Variants in GNG7 observed in about 807,000 individuals in gnomAD.
GNG7 encodes guanine nucleotide-binding protein G(I)/G(S)/G(O) subunit gamma-7.
Under a neutral mutation model 4.0 loss-of-function variants are expected in GNG7, and 1 was observed. The observed-to-expected ratio is 0.25, with a 90% CI of 0.09 to 1.18. GNG7 has a LOEUF of 1.18. GNG7 is among the 50% of genes most tolerant of loss of function. The pLI, the probability that GNG7 is intolerant of heterozygous loss-of-function variation, is 0.50. For synonymous variants in GNG7, 34 were observed against 36.9 expected, an observed-to-expected ratio of 0.92 and a Z score of 0.29; for missense variants, 86 against 91.9, an observed-to-expected ratio of 0.94 and a Z score of 0.26.
In GNG7 at chr19:2,634,433, G is replaced by C. The variant is rs1183121156; in HGVS notation, c.-78+11791C>G. Among the ~76,000 whole-genome samples, 1 of 152,208 alleles carries C rather than the reference G, an allele frequency of 6.6e-6. No homozygotes were observed. Among genetic ancestry groups the C allele is most frequent in the East Asian group, 1.9e-4 (1 of 5,190 alleles). ...TCACCCAGATGACCCCTGCTATAGA[G>C]GGTCAAGGTCATGTCCAAGCTCTCC... On this transcript the variant is annotated intron_variant, in intron 2 of 4. Transcript: ENST00000382159. The surrounding 1 kb of genome is among the most constrained non-coding windows in gnomAD (Gnocchi z 5.3).
chr19:2,619,257 T>A (rs1981803221), intron 2 of GNG7, among the ~76,000 whole-genome samples: 2 of 152,244 alleles, frequency 1.3e-5, no homozygotes, highest in South Asian at 4.1e-4. Context: ...CTGGACCACA[T>A]CTAGCTGACT....
chr19:2,648,487 C>G (rs1006996165), intron 1 of GNG7, among the ~76,000 whole-genome samples: 1 of 152,082 alleles, frequency 6.6e-6, no homozygotes, highest in African/African-American at 2.4e-5. Context: ...CTCTGGATTT[C>G]TTTGCAACTC....
intron 2 of GNG7, among the ~76,000 whole-genome samples, chr19:2,565,904 T>G (rs1979893128): frequency 6.6e-6 from 1 of 152,182 alleles, no homozygotes; most frequent in South Asian, 2.1e-4. Context: ...ACGCCTGTTA[T>G]CCCAGCACTT....
intron 3 of GNG7, among the ~76,000 whole-genome samples, chr19:2,532,020 A>AG (rs1485264763): frequency 1.3e-4 from 20 of 151,738 alleles, no homozygotes; most frequent in African/African-American, 4.6e-4. Flanking sequence ...GCGCCATGGC[A>AG]GGCGCCTCTA....
chr19:2,642,467 G>T (rs1297808762), intron 2 of GNG7: 1 of 330,936 alleles, frequency 3.0e-6, no homozygotes, highest in Non-Finnish European at 5.9e-6. Context: ...CGGGGCTCAA[G>T]CGATCCTCCC....
intron 1 of GNG7, among the ~76,000 whole-genome samples, chr19:2,675,415 G>A (rs1983569883): frequency 1.3e-5 from 2 of 152,196 alleles, no homozygotes. Context: ...CCAAAAATCT[G>A]CAACCACGAA....
At chr19:2,645,982 G>A (rs892601171) in intron 2 of GNG7, among the ~76,000 whole-genome samples, 2 of 152,058 alleles carry the variant, frequency 1.3e-5, no homozygotes, top group Non-Finnish European at 2.9e-5. Context: ...CAGGGGCTCC[G>A]GCACCAGCAG....
Position 2,511,675 on chromosome 19 carries a change from C to T in GNG7, c.*3347G>A, listed in dbSNP as rs1016259446. The T allele has an allele frequency of 2.8e-5, 12 of 427,018 alleles. No homozygotes were observed. Among genetic ancestry groups the T allele is most frequent in the African/African-American group, 4.3e-5 (2 of 46,398 alleles). 26.5% of individuals were successfully genotyped at this position (427,018 alleles called of 1,614,324 possible). A position where few individuals can be genotyped will look rare whatever the true frequency, so the allele number is the denominator to read the frequency against. On this transcript the variant is annotated 3_prime_UTR_variant, in exon 5 of 5. Coordinates refer to ENST00000382159, the MANE Select transcript of GNG7 (RefSeq NM_052847.3). This position sits in a 1 kb window ranked among gnomAD's most constrained non-coding sequence, Gnocchi z 6.3. ...CGGGCTGTTAACTTGGAGATGGATG[C>T]GTGGCCTGGAGGCCTAGCGTTGCGC...
intron 2 of GNG7, among the ~76,000 whole-genome samples, chr19:2,639,000 G>T (rs1335625300): frequency 6.6e-6 from 1 of 152,118 alleles, no homozygotes; most frequent in Non-Finnish European, 1.5e-5. Flanking sequence ...ATTTTGGGAG[G>T]CTGAGGCAGA....
Position 2,637,486 on chromosome 19 carries a change from A to G in GNG7, c.-78+8738T>C, listed in dbSNP as rs367761069. ...TCCAAGCTTCCCACCCTGTGCCCGC[A>G]GGAGCCAAAGCCGCACTCGCCCAGC... On this transcript the variant is annotated intron_variant, in intron 2 of 4. Coordinates refer to ENST00000382159, the MANE Select transcript of GNG7 (RefSeq NM_052847.3). Among the ~76,000 whole-genome samples, 552 of 152,242 alleles carry G rather than the reference A, an allele frequency of 3.6e-3. 1 individual carries two copies. The highest frequency in any genetic ancestry group is 0.013 in the African/African-American group (530 of 41,534).
intron 2 of GNG7, among the ~76,000 whole-genome samples, chr19:2,595,612 G>A (rs569296093): frequency 6.6e-6 from 1 of 151,784 alleles, no homozygotes; most frequent in African/African-American, 2.4e-5. Flanking sequence ...GCGGGTGCCT[G>A]TAATCCCAGC....
At chr19:2,660,079 A>G (rs1983107871) in intron 1 of GNG7, among the ~76,000 whole-genome samples, 1 of 152,172 alleles carries the variant, frequency 6.6e-6, no homozygotes, top group Non-Finnish European at 1.5e-5. Flanking sequence ...AGCAGTCCTC[A>G]TGGAATCCGT....
At chr19:2,593,305 T>A (rs901175971) in intron 2 of GNG7, among the ~76,000 whole-genome samples, 28 of 150,678 alleles carry the variant, frequency 1.9e-4, no homozygotes, top group East Asian at 1.2e-3. Flanking sequence ...ATTCCTTTTT[T>A]AAAAAAAAAA....
intron 1 of GNG7, among the ~76,000 whole-genome samples, chr19:2,661,338 A>G (rs1983169378): frequency 6.8e-6 from 1 of 146,914 alleles, no homozygotes; most frequent in African/African-American, 2.5e-5. Flanking sequence ...GAAAGAAAGA[A>G]AGAAAGAAAG....
rs976881504 is a variant in GNG7 at position 2,603,893 on chromosome 19, C to G, written c.-78+42331G>C. On this transcript the variant is annotated intron_variant, in intron 2 of 4. Transcript: ENST00000382159. Reference sequence around the variant, plus strand: ...TGAGACAGAGTCTCGCTCTGTCACCCAGGCTGGAGTGCAGTGGTGCAATCT... The same window carrying G: ...TGAGACAGAGTCTCGCTCTGTCACCGAGGCTGGAGTGCAGTGGTGCAATCT... Among the ~76,000 whole-genome samples the G allele has an allele frequency of 3.9e-5, 6 of 151,978 alleles. No individual in the cohort carries two copies. In the East Asian group the frequency reaches 1.2e-3, roughly 30 times the overall value.
Position 2,512,386 on chromosome 19 carries a change from C to T in GNG7, c.*2636G>A. The T allele has an allele frequency of 2.0e-6, 2 of 984,382 alleles. No individual in the cohort carries two copies. The highest frequency in any genetic ancestry group is 2.4e-6 in the Non-Finnish European group (2 of 829,148). The allele number at this position is 984,382 out of a possible 1,614,324, so 61.0% of individuals were successfully genotyped here. A position where few individuals can be genotyped will look rare whatever the true frequency, so the allele number is the denominator to read the frequency against. Reference sequence around the variant, plus strand: ...AAAGTGGAGAATTTTTTTTTTAATCCCCCAAGCTAGAAAGAAACCCACAGG... The same window carrying T: ...AAAGTGGAGAATTTTTTTTTTAATCTCCCAAGCTAGAAAGAAACCCACAGG... On this transcript the variant is annotated 3_prime_UTR_variant, in exon 5 of 5. Transcript: ENST00000382159. The surrounding 1 kb of genome is among the most constrained non-coding windows in gnomAD (Gnocchi z 4.7).
chr19:2,553,772 AAT>A (rs532150005), intron 3 of GNG7, among the ~76,000 whole-genome samples: 53 of 147,680 alleles, frequency 3.6e-4, no homozygotes, highest in African/African-American at 1.2e-3. Context: ...TATTGCATGT[AAT>A]GTTATATCAC....
At position 2,633,075 on chromosome 19, in the gene GNG7, C is replaced by A. The variant is rs931395983; in HGVS notation, c.-78+13149G>T. ...ACCATCTATGACACGCATCCCCAGG[C>A]GGCACCGGGAGTGTCTGCGCAGAGA... On this transcript the variant is annotated intron_variant, in intron 2 of 4. Transcript: ENST00000382159. This position sits in a 1 kb window ranked among gnomAD's most constrained non-coding sequence, Gnocchi z 5.9. Among the ~76,000 whole-genome samples the A allele has an allele frequency of 1.3e-5, 2 of 152,232 alleles. No individual in the cohort carries two copies. The highest frequency in any genetic ancestry group is 2.4e-5 in the African/African-American group (1 of 41,460).
chr19:2,556,964 T>C (rs1979564439), intron 2 of GNG7, among the ~76,000 whole-genome samples: 1 of 152,028 alleles, frequency 6.6e-6, no homozygotes, highest in Non-Finnish European at 1.5e-5. Flanking sequence ...ATCCCTAACC[T>C]CTTAGTGACC....
Sources: gnomAD v4.1 joint callset for allele counts (sites outside exome capture counted in the v4.1 genomes callset) on GRCh38, gnomAD v4.1.1 for gene constraint, Gnocchi (gnomAD v3.1) non-coding constraint, MANE v1.5 for transcripts, NCBI Gene and HGNC (gene_info 2026-07-23, HGNC 2026-07-21) for gene names.